Variants in EGFR observed in about 807,000 individuals in gnomAD.
EGFR encodes avian erythroblastic leukemia viral (v-erb-b) oncogene homolog.
Under a neutral mutation model 143.0 loss-of-function variants are expected in EGFR, and 58 were observed. The observed-to-expected ratio is 0.41, with a 90% CI of 0.33 to 0.50. EGFR has a LOEUF of 0.50. Ranked by LOEUF, EGFR falls within the 20% of genes least tolerant of loss-of-function variation. The pLI is 0.39. For missense variants in EGFR, 1,307 were observed against 1,579.0 expected (o/e 0.83, Z 2.92); for synonymous variants, 613 against 594.4 (o/e 1.03, Z -0.45).
intron 20 of EGFR, among the ~76,000 whole-genome samples, chr7:55,186,097 CA>C (rs1787124667): frequency 6.6e-6 from 1 of 152,300 alleles, no homozygotes; most frequent in African/African-American, 2.4e-5. Context: ...CATTCCAGGC[CA>C]CTCAGGCCTA....
intron 1 of EGFR, among the ~76,000 whole-genome samples, chr7:55,113,969 G>A (rs139145700): frequency 1.3e-5 from 2 of 152,334 alleles, no homozygotes; most frequent in East Asian, 1.9e-4. Context: ...GGGCTTGGAC[G>A]CTGCCAGGTG....
chr7:55,155,985 G>C (rs41387647), intron 8 of EGFR, 39 bp downstream of exon 8: 2 of 1,475,338 alleles, frequency 1.4e-6, no homozygotes, highest in Non-Finnish European at 1.9e-6. Flanking sequence ...GCTTGTTCTC[G>C]GCTGCTGAGG....
At chr7:55,194,622 C>G (rs1322900231) in intron 22 of EGFR, among the ~76,000 whole-genome samples, 1 of 152,230 alleles carries the variant, frequency 6.6e-6, no homozygotes, top group Admixed American at 6.5e-5. Context: ...GCCCTGGCAA[C>G]TCTCCCGTCC....
At chr7:55,175,304 G>A (rs755473403) in intron 19 of EGFR, among the ~76,000 whole-genome samples, 2 of 152,130 alleles carry the variant, frequency 1.3e-5, no homozygotes, top group Admixed American at 6.5e-5. Flanking sequence ...AGAATATGAT[G>A]GCGTGCAGTC....
chr7:55,161,775 G>C, intron 13 of EGFR, 144 bp downstream of exon 13: 1 of 1,394,632 alleles, frequency 7.2e-7, no homozygotes, highest in Admixed American at 2.0e-5. Context: ...TTTTCTGTGG[G>C]GAGACGGGAA....
At chr7:55,066,689 G>T (rs781181521) in intron 1 of EGFR, among the ~76,000 whole-genome samples, 1 of 152,126 alleles carries the variant, frequency 6.6e-6, no homozygotes, top group Non-Finnish European at 1.5e-5. Flanking sequence ...TGGGGTTCAC[G>T]CAGGTTCTCT....
chr7:55,132,549 C>G (rs567365598), intron 1 of EGFR, among the ~76,000 whole-genome samples: 2 of 152,340 alleles, frequency 1.3e-5, no homozygotes, highest in South Asian at 4.1e-4. Context: ...CCAAGCCCAA[C>G]ACTTGGCACT....
chr7:55,143,040 G>C lies in EGFR; in HGVS notation c.241-265G>C, dbSNP rs17289575. ...TTCACTGGAGAGTGTTGAACCCCGTGAGGCATGAGAGCACAGTGTTCCAGA... is the reference window on the plus strand; with the variant it reads ...TTCACTGGAGAGTGTTGAACCCCGTCAGGCATGAGAGCACAGTGTTCCAGA... On this transcript the variant is annotated intron_variant, in intron 2 of 27. Coordinates refer to ENST00000275493, the MANE Select transcript of EGFR (RefSeq NM_005228.5). Among the ~76,000 whole-genome samples the C allele has an allele frequency of 0.044, 6,768 of 152,270 alleles. 434 individuals are homozygous for C. Among genetic ancestry groups the C allele is most frequent in the East Asian group, 0.29 (1,487 of 5,174 alleles).
At chr7:55,048,196 A>AT (rs1429152282) in intron 1 of EGFR, among the ~76,000 whole-genome samples, 7 of 152,186 alleles carry the variant, frequency 4.6e-5, no homozygotes, top group Non-Finnish European at 7.3e-5. Flanking sequence ...TCAGTTAGGA[A>AT]TTAGGGATAT....
At chr7:55,030,224 G>A (rs530275697) in intron 1 of EGFR, among the ~76,000 whole-genome samples, 3 of 152,320 alleles carry the variant, frequency 2.0e-5, no homozygotes, top group African/African-American at 7.2e-5. Flanking sequence ...TTTTAGCTAT[G>A]GATGCCCCAT....
chr7:55,211,178 A>G lies in EGFR; in HGVS notation c.*5561A>G, dbSNP rs1562814493. 6.6e-6 allele frequency: 1 copy of G among 152,218 alleles called. No homozygotes were observed. Among genetic ancestry groups the G allele is most frequent in the Non-Finnish European group, 1.5e-5 (1 of 68,038 alleles). 9.4% of individuals were successfully genotyped at this position (152,218 alleles called of 1,614,324 possible). On this transcript the variant is annotated 3_prime_UTR_variant, in exon 28 of 28. Transcript: ENST00000275493. ...GCTCCACCCTATCACCTAGCAGATA[A>G]AACTATGGGGAAAACTTAAATCTGT...
rs1788131145 is a variant in EGFR at position 55,207,258 on chromosome 7, A to G, written c.*1641A>G. On this transcript the variant is annotated 3_prime_UTR_variant, in exon 28 of 28. Transcript: ENST00000275493. ...TAAAGTAATTTTTGACTCCCAGATC[A>G]GTCAGAGCCCCTACAGCATTGTTAA... 4.3e-6 allele frequency: 1 copy of G among 232,940 alleles called. No homozygotes were observed. Among genetic ancestry groups the G allele is most frequent in the African/African-American group, 2.2e-5 (1 of 45,282 alleles). The allele number at this position is 232,940 out of a possible 1,614,324, so 14.4% of individuals were successfully genotyped here. A position where few individuals can be genotyped will look rare whatever the true frequency, so the allele number is the denominator to read the frequency against.
chr7:55,094,348 T>C (rs1231298308), intron 1 of EGFR, among the ~76,000 whole-genome samples: 3 of 152,134 alleles, frequency 2.0e-5, no homozygotes, highest in Non-Finnish European at 4.4e-5. Context: ...AGCTGTGGGC[T>C]GCCAGGTCGG....
chr7:55,173,751 C>A (rs1786463949), intron 17 of EGFR, among the ~76,000 whole-genome samples, 170 bp from the exon 18 acceptor site: 1 of 152,268 alleles, frequency 6.6e-6, no homozygotes, highest in Admixed American at 6.5e-5. Context: ...CTGTCAAGCT[C>A]TGTAGAGAAG....
At chr7:55,040,408 T>C (rs1322313462) in intron 1 of EGFR, among the ~76,000 whole-genome samples, 1 of 152,190 alleles carries the variant, frequency 6.6e-6, no homozygotes, top group Admixed American at 6.5e-5. Context: ...TCTGCATGAT[T>C]ATAGTCCTCT....
At chr7:55,031,861 C>T (rs1307098066) in intron 1 of EGFR, among the ~76,000 whole-genome samples, 1 of 152,064 alleles carries the variant, frequency 6.6e-6, no homozygotes, top group African/African-American at 2.4e-5. Flanking sequence ...TATTAGCATT[C>T]CTCTGACTTA....
chr7:55,134,781 T>G lies in EGFR; in HGVS notation c.89-7505T>G, dbSNP rs532863596. 4.6e-5 allele frequency among the ~76,000 whole-genome samples: 7 copies of G among 152,346 alleles called. No individual in the cohort carries two copies. The East Asian group carries it at 1.4e-3, about 29-fold the overall frequency. On this transcript the variant is annotated intron_variant, in intron 1 of 27. Coordinates refer to ENST00000275493, the MANE Select transcript of EGFR (RefSeq NM_005228.5). Reference sequence around the variant, plus strand: ...TGAAGGCACATAGGCAGAAATAGATTGCAATAGTTGCTGCCATGTGAAGCC... The same window carrying G: ...TGAAGGCACATAGGCAGAAATAGATGGCAATAGTTGCTGCCATGTGAAGCC...
At position 55,151,316 on chromosome 7, in the gene EGFR, T is replaced by A; in HGVS notation, c.582T>A (p.Cys194Ter). Residue 194 changes from cysteine to a stop codon, truncating the protein, a stop_gained, in exon 5 of 28, where the codon TGT becomes TGA. Transcript: ENST00000275493. LOFTEE classifies it high-confidence loss of function. ...LGSCQKCDPSCPNGSCWGAGE... is the reference protein window; with the variant it reads ...LGSCQKCDPS ...CAGGCCAAAAGTGTGATCCAAGCTGTCCCAATGGGAGCTGCTGGGGTGCAG... is the reference window on the plus strand; with the variant it reads ...CAGGCCAAAAGTGTGATCCAAGCTGACCCAATGGGAGCTGCTGGGGTGCAG... 6.2e-7 allele frequency: 1 copy of A among 1,614,202 alleles called. No individual in the cohort carries two copies. The highest frequency in any genetic ancestry group is 8.5e-7 in the Non-Finnish European group (1 of 1,180,028).
chr7:55,088,726 T>A (rs12535226), intron 1 of EGFR, among the ~76,000 whole-genome samples: 73,610 of 152,068 alleles, frequency 0.48, 18,811 homozygotes, highest in East Asian at 0.91. Flanking sequence ...ATGCTGACAC[T>A]GTTTTCTTTC....
Sources: gnomAD v4.1 joint callset for allele counts (sites outside exome capture counted in the v4.1 genomes callset) on GRCh38, gnomAD v4.1.1 for gene constraint, MANE v1.5 for transcripts, NCBI Gene and HGNC (gene_info 2026-07-23, HGNC 2026-07-21) for gene names.